ZBTB8A: variants seen among roughly 807,000 people sequenced by gnomAD.
ZBTB8A encodes zinc finger and BTB domain-containing protein 8A.
A neutral mutation model predicts 37.8 loss-of-function variants in ZBTB8A; 19 were observed. That is an observed-to-expected ratio of 0.50 (90% CI 0.35 to 0.74). ZBTB8A has a LOEUF of 0.74. Among genes scored for constraint, ZBTB8A ranks in the 30% least tolerant of loss-of-function variants. The pLI is 0.01. For synonymous variants in ZBTB8A, 181 were observed against 185.2 expected (o/e 0.98, Z 0.19); for missense variants, 394 against 537.8 (o/e 0.73, Z 2.65).
At chr1:32,561,300 C>T (rs1395714649) in intron 2 of ZBTB8A, among the ~76,000 whole-genome samples, 1 of 152,298 alleles carries the variant, frequency 6.6e-6, no homozygotes, top group African/African-American at 2.4e-5. Flanking sequence ...ACTTGCCTTT[C>T]AAGCATCTAC....
chr1:32,540,766 C>T (rs904335083), intron 1 of ZBTB8A, among the ~76,000 whole-genome samples: 23 of 152,218 alleles, frequency 1.5e-4, no homozygotes, highest in Admixed American at 1.5e-3. Flanking sequence ...TAGACTGGAG[C>T]AAGAGCCCCT....
chr1:32,549,113 G>T (rs1570311547), intron 1 of ZBTB8A, among the ~76,000 whole-genome samples: 1 of 151,876 alleles, frequency 6.6e-6, no homozygotes, highest in African/African-American at 2.4e-5. Context: ...GCTTGAACCC[G>T]GGAGGCAGAG....
chr1:32,582,746 C>A (rs1038899121), intron 2 of ZBTB8A, among the ~76,000 whole-genome samples: 3 of 152,144 alleles, frequency 2.0e-5, no homozygotes, highest in Non-Finnish European at 4.4e-5. Context: ...TCTGACATAA[C>A]CATGCATATA....
chr1:32,547,626 C>CAAAAA (rs745418265), intron 1 of ZBTB8A, among the ~76,000 whole-genome samples: 1 of 98,956 alleles, frequency 1.0e-5, no homozygotes, highest in African/African-American at 3.8e-5. Flanking sequence ...GTCTGTATCT[C>CAAAAA]AAAAAAAAAA....
intron 1 of ZBTB8A, among the ~76,000 whole-genome samples, chr1:32,543,185 G>A (rs1417953855): frequency 6.6e-6 from 1 of 152,034 alleles, no homozygotes; most frequent in Non-Finnish European, 1.5e-5. Context: ...CCAGGGTCAA[G>A]CAATTCTCCT....
intron 2 of ZBTB8A, among the ~76,000 whole-genome samples, chr1:32,578,123 G>A (rs565361865): frequency 2.6e-5 from 4 of 151,908 alleles, no homozygotes; most frequent in African/African-American, 9.7e-5. Flanking sequence ...CGCCCAGGCT[G>A]GCACAACCCT....
intron 2 of ZBTB8A, among the ~76,000 whole-genome samples, chr1:32,566,546 A>G (rs1005182635): frequency 1.3e-5 from 2 of 152,156 alleles, no homozygotes; most frequent in African/African-American, 4.8e-5. Context: ...TAAAAAATAC[A>G]TAATAATAAA....
chr1:32,602,048 G>T lies in ZBTB8A; in HGVS notation c.*1629G>T, dbSNP rs1430648491. The T allele has an allele frequency of 6.4e-6, 1 of 156,492 alleles. No homozygotes were observed. Among genetic ancestry groups the T allele is most frequent in the Non-Finnish European group, 1.4e-5 (1 of 71,244 alleles). 9.7% of individuals were successfully genotyped at this position (156,492 alleles called of 1,614,324 possible). A position where few individuals can be genotyped will look rare whatever the true frequency, so the allele number is the denominator to read the frequency against. On this transcript the variant is annotated 3_prime_UTR_variant, in exon 5 of 5. Coordinates refer to ENST00000373510, the MANE Select transcript of ZBTB8A (RefSeq NM_001040441.3). Reference sequence around the variant, plus strand: ...ACAAAGTTTAAACTTCTCCCCTTTGGGCTGGGCCCAGTGGCTCACGCCTGT... The same window carrying T: ...ACAAAGTTTAAACTTCTCCCCTTTGTGCTGGGCCCAGTGGCTCACGCCTGT...
intron 2 of ZBTB8A, among the ~76,000 whole-genome samples, chr1:32,587,962 A>G (rs1196220891): frequency 6.6e-6 from 1 of 152,098 alleles, no homozygotes; most frequent in African/African-American, 2.4e-5. Context: ...ACCCAAAAGG[A>G]CTGGATTTGG....
At chr1:32,567,709 G>A (rs1164474280) in intron 2 of ZBTB8A, among the ~76,000 whole-genome samples, 8 of 143,076 alleles carry the variant, frequency 5.6e-5, no homozygotes, top group Non-Finnish European at 1.1e-4. Context: ...GGAGAATGGC[G>A]TGAACCCGGG....
intron 2 of ZBTB8A, among the ~76,000 whole-genome samples, chr1:32,591,607 A>C (rs954965142): frequency 3.9e-5 from 6 of 152,194 alleles, no homozygotes; most frequent in Non-Finnish European, 7.4e-5. Flanking sequence ...ATATAGCAGA[A>C]GGCCTGATTT....
At chr1:32,591,336 A>G (rs967583849) in intron 2 of ZBTB8A, among the ~76,000 whole-genome samples, 3 of 151,004 alleles carry the variant, frequency 2.0e-5, no homozygotes, top group Admixed American at 6.6e-5. Flanking sequence ...TCAGCCTCCC[A>G]AGGAGCTAGG....
At chr1:32,546,873 T>A (rs1286257737) in intron 1 of ZBTB8A, among the ~76,000 whole-genome samples, 5 of 152,134 alleles carry the variant, frequency 3.3e-5, no homozygotes, top group Non-Finnish European at 7.4e-5. Flanking sequence ...AACATAAAAT[T>A]CTTACAGTTC....
In ZBTB8A at chr1:32,602,646, G is replaced by C. The variant is rs1441289371; in HGVS notation, c.*2227G>C. ...GCTCACTGCAAGCTCCACCTCCCGG[G>C]TTCTCGCCATTCTCCTGCCTCAGCC... On this transcript the variant is annotated 3_prime_UTR_variant, in exon 5 of 5. Transcript: ENST00000373510. 1 of 151,966 alleles carries C rather than the reference G, an allele frequency of 6.6e-6. No individual in the cohort carries two copies. The highest frequency in any genetic ancestry group is 1.5e-5 in the Non-Finnish European group (1 of 68,026). The allele number at this position is 151,966 out of a possible 1,614,324, so 9.4% of individuals were successfully genotyped here.
intron 2 of ZBTB8A, among the ~76,000 whole-genome samples, chr1:32,592,623 C>T (rs1489259875): frequency 6.6e-6 from 1 of 151,620 alleles, no homozygotes; most frequent in Non-Finnish European, 1.5e-5. Context: ...TTGTCTGCCT[C>T]AGCCTCCTGA....
At chr1:32,596,160 G>C (rs1453298878) in intron 4 of ZBTB8A, among the ~76,000 whole-genome samples, 1 of 151,790 alleles carries the variant, frequency 6.6e-6, no homozygotes, top group Non-Finnish European at 1.5e-5. Context: ...ATGAGGTCAG[G>C]AGATCGAGAC....
chr1:32,576,445 T>C (rs1290585228), intron 2 of ZBTB8A, among the ~76,000 whole-genome samples: 1 of 152,210 alleles, frequency 6.6e-6, no homozygotes, highest in Non-Finnish European at 1.5e-5. Flanking sequence ...TTTTTTTTTC[T>C]TTGAGACAGT....
chr1:32,592,250 T>C (rs1382242717), intron 2 of ZBTB8A, among the ~76,000 whole-genome samples: 2 of 152,096 alleles, frequency 1.3e-5, no homozygotes, highest in Admixed American at 1.3e-4. Context: ...AGGCTTCTGA[T>C]TATTATTTTA....
chr1:32,540,009 C>T (rs1224936637), intron 1 of ZBTB8A, among the ~76,000 whole-genome samples: 1 of 151,372 alleles, frequency 6.6e-6, no homozygotes, highest in Non-Finnish European at 1.5e-5. Flanking sequence ...TCTCTGCGGG[C>T]GCGGCCAGGG....
Sources: gnomAD v4.1 joint callset for allele counts (sites outside exome capture counted in the v4.1 genomes callset) on GRCh38, gnomAD v4.1.1 for gene constraint, MANE v1.5 for transcripts, NCBI Gene and HGNC (gene_info 2026-07-23, HGNC 2026-07-21) for gene names.